Variants in FBXL18 observed in about 807,000 individuals in gnomAD.
FBXL18 encodes the protein F-box/LRR-repeat protein 18.
In FBXL18, 36 loss-of-function variants were observed where a neutral mutation model predicts 46.0. The ratio of observed to expected loss-of-function variants is 0.78; its 90% confidence interval spans 0.60 to 1.03. The LOEUF is 1.03. Ranked by LOEUF, FBXL18 falls within the 50% of genes least tolerant of loss-of-function variation. The pLI is 0.00. For missense variants in FBXL18, 977 were observed against 1,004.1 expected (o/e 0.97, Z 0.36); for synonymous variants, 557 against 465.3 (o/e 1.20, Z -2.54).
chr7:5,462,980 A>G (rs1466976360), intron 4 of FBXL18, among the ~76,000 whole-genome samples: 1 of 49,706 alleles, frequency 2.0e-5, no homozygotes, highest in South Asian at 5.2e-4. Flanking sequence ...ATATATATAT[A>G]TATATATATA....
chr7:5,486,142 T>C (rs1263113935), intron 4 of FBXL18, among the ~76,000 whole-genome samples: 1 of 150,358 alleles, frequency 6.7e-6, no homozygotes, highest in Non-Finnish European at 1.5e-5. Context: ...TAATCCCAGC[T>C]ACTCGGGAGG....
At position 5,477,250 on chromosome 7, in the gene FBXL18, C is replaced by T. The variant is rs1408287302; in HGVS notation, c.*4525G>A. ...GTGCAAATGAGACCCATGACCATCA[C>T]AAAGACCCCCCAGCGTCGTGGTCAA... is the stretch of plus-strand genomic sequence containing the variant. On this transcript the variant is annotated 3_prime_UTR_variant, in exon 5 of 5. Coordinates refer to ENST00000382368, the MANE Select transcript of FBXL18 (RefSeq NM_024963.6). This position sits in a 1 kb window ranked among gnomAD's most constrained non-coding sequence, Gnocchi z 4.4. Among the ~76,000 whole-genome samples, 1 of 152,154 alleles carries T rather than the reference C, an allele frequency of 6.6e-6. No homozygotes were observed. The highest frequency in any genetic ancestry group is 1.5e-5 in the Non-Finnish European group (1 of 68,030).
At chr7:5,465,560 G>C (rs1354844517) in intron 4 of FBXL18, among the ~76,000 whole-genome samples, 3 of 151,820 alleles carry the variant, frequency 2.0e-5, no homozygotes, top group African/African-American at 7.3e-5. Context: ...CGGCAGCTTT[G>C]AACTCCTGGA....
chr7:5,494,827 A>G (rs1451711026), intron 3 of FBXL18, among the ~76,000 whole-genome samples: 3 of 152,226 alleles, frequency 2.0e-5, no homozygotes, highest in African/African-American at 4.8e-5. Context: ...CCCGCCCCAG[A>G]TCGCCCCGAG....
At chr7:5,492,205 T>C (rs7807936) in intron 3 of FBXL18, among the ~76,000 whole-genome samples, 39,561 of 142,574 alleles carry the variant, frequency 0.28, 5,756 homozygotes, top group Middle Eastern at 0.34. Flanking sequence ...GGGACGACAT[T>C]CTAGATCCTT....
At chr7:5,512,614 GAACA>G (rs1043028138) in intron 1 of FBXL18, among the ~76,000 whole-genome samples, 6 of 152,134 alleles carry the variant, frequency 3.9e-5, no homozygotes, top group African/African-American at 7.2e-5. Context: ...CAAAAACAAA[GAACA>G]AACAAACAAG....
chr7:5,490,323 G>A, intron 4 of FBXL18: 1 of 1,118,408 alleles, frequency 8.9e-7, no homozygotes, highest in Non-Finnish European at 1.1e-6. Context: ...CCTCCTGAGA[G>A]GTCTTGAAAT....
chr7:5,487,120 C>G (rs1783796247), intron 4 of FBXL18, among the ~76,000 whole-genome samples: 1 of 152,214 alleles, frequency 6.6e-6, no homozygotes, highest in Admixed American at 6.5e-5. Context: ...CTGACACTGA[C>G]CCCTAGGCCC....
intron 1 of FBXL18, among the ~76,000 whole-genome samples, chr7:5,513,228 C>A (rs1403333002): frequency 6.6e-6 from 1 of 152,154 alleles, no homozygotes; most frequent in Non-Finnish European, 1.5e-5. Flanking sequence ...ATTCAGCAAG[C>A]AGGCTCCAGG....
intron 4 of FBXL18, among the ~76,000 whole-genome samples, chr7:5,486,141 C>G (rs1783770079): frequency 6.6e-6 from 1 of 151,248 alleles, no homozygotes; most frequent in Non-Finnish European, 1.5e-5. Context: ...GTAATCCCAG[C>G]TACTCGGGAG....
chr7:5,474,490 A>G (rs1035765838), downstream of FBXL18, among the ~76,000 whole-genome samples: 1 of 151,348 alleles, frequency 6.6e-6, no homozygotes, highest in Non-Finnish European at 1.5e-5. Flanking sequence ...TAATATTTGT[A>G]CTTTTTGTAG....
intron 4 of FBXL18, among the ~76,000 whole-genome samples, chr7:5,458,252 C>G (rs1043677607): frequency 6.6e-5 from 10 of 152,146 alleles, no homozygotes; most frequent in African/African-American, 1.9e-4. Context: ...AAACCACCCC[C>G]CAAGGCCTTG....
Position 5,483,136 on chromosome 7 carries a change from A to T in FBXL18, c.2001-1205T>A, listed in dbSNP as rs1188940377. 2.0e-5 allele frequency among the ~76,000 whole-genome samples: 3 copies of T among 152,076 alleles called. No homozygotes were observed. The East Asian group carries it at 5.8e-4, about 29-fold the overall frequency. On this transcript the variant is annotated intron_variant, in intron 4 of 4. Coordinates refer to ENST00000382368, the MANE Select transcript of FBXL18 (RefSeq NM_024963.6). ...AGAAGGAAAAACATAGCAGTGCCCCAGAGAGGAAGACAAAAACATCCAGGA... is the reference window on the plus strand; with the variant it reads ...AGAAGGAAAAACATAGCAGTGCCCCTGAGAGGAAGACAAAAACATCCAGGA...
rs1271385069 is a variant in FBXL18, at chr7:5,478,429, C to G, written c.*3346G>C. Reference sequence around the variant, plus strand: ...GCCTGCTCTGGGCCACCTTCGGAAGCCTGGTGGAGCCGAGTGTTGCCTGGT... The same window carrying G: ...GCCTGCTCTGGGCCACCTTCGGAAGGCTGGTGGAGCCGAGTGTTGCCTGGT... On this transcript the variant is annotated 3_prime_UTR_variant, in exon 5 of 5. Coordinates refer to ENST00000382368, the MANE Select transcript of FBXL18 (RefSeq NM_024963.6). The G allele has an allele frequency of 6.6e-6, 1 of 152,604 alleles. No individual in the cohort carries two copies. Among genetic ancestry groups the G allele is most frequent in the Non-Finnish European group, 1.5e-5 (1 of 68,332 alleles). The allele number at this position is 152,604 out of a possible 1,614,324, so 9.5% of individuals were successfully genotyped here.
Position 5,496,116 on chromosome 7 carries a change from C to T in FBXL18, c.1781+4372G>A, listed in dbSNP as rs1784073756. 6.6e-6 allele frequency among the ~76,000 whole-genome samples: 1 copy of T among 152,204 alleles called. No homozygotes were observed. The highest frequency in any genetic ancestry group is 1.5e-5 in the Non-Finnish European group (1 of 68,034). ...ATGAAATCACGCTGACCTCGGGAGG[C>T]CGGAGACAAGCAGCCATGTGACCTA... On this transcript the variant is annotated intron_variant, in intron 3 of 4. Transcript: ENST00000382368. This position sits in a 1 kb window ranked among gnomAD's most constrained non-coding sequence, Gnocchi z 4.8.
At chr7:5,459,547 T>G (rs1361896920) in intron 4 of FBXL18, among the ~76,000 whole-genome samples, 2 of 152,010 alleles carry the variant, frequency 1.3e-5, no homozygotes, top group Non-Finnish European at 2.9e-5. Flanking sequence ...AAGACCATCC[T>G]GGCTAACATG....
Position 5,513,692 on chromosome 7 carries a change from A to C in FBXL18, c.-18T>G. On this transcript the variant is annotated 5_prime_UTR_variant, in exon 1 of 5. Coordinates refer to ENST00000382368, the MANE Select transcript of FBXL18 (RefSeq NM_024963.6). Reference sequence around the variant, plus strand: ...CTGGCCATGTCGCCGGCGGGTCCGAACCGCGGCCGCGGGATCCGCAACCCC... The same window carrying C: ...CTGGCCATGTCGCCGGCGGGTCCGACCCGCGGCCGCGGGATCCGCAACCCC... The C allele has an allele frequency of 1.9e-6, 3 of 1,599,978 alleles. No homozygotes were observed. The highest frequency in any genetic ancestry group is 2.6e-6 in the Non-Finnish European group (3 of 1,173,714).
At position 5,496,030 on chromosome 7, in the gene FBXL18, T is replaced by G. The variant is rs965975876; in HGVS notation, c.1781+4458A>C. ...CTCCGCGCCTTCTCCATGGCCCTGC[T>G]CCTGAGGAAGGCCCTTGGCCACGGG... is the stretch of plus-strand genomic sequence containing the variant. On this transcript the variant is annotated intron_variant, in intron 3 of 4. Transcript: ENST00000382368. This position sits in a 1 kb window ranked among gnomAD's most constrained non-coding sequence, Gnocchi z 4.8. 2 of 381,360 alleles carry G rather than the reference T, an allele frequency of 5.2e-6. No homozygotes were observed. The highest frequency in any genetic ancestry group is 1.1e-5 in the Non-Finnish European group (2 of 181,860). 23.6% of individuals were successfully genotyped at this position (381,360 alleles called of 1,614,324 possible). A position where few individuals can be genotyped will look rare whatever the true frequency, so the allele number is the denominator to read the frequency against.
chr7:5,490,224 C>T (rs752495024), intron 4 of FBXL18: 34 of 1,332,278 alleles, frequency 2.6e-5, no homozygotes, highest in South Asian at 3.5e-5. Context: ...TGCAGGGACA[C>T]GAACACTCAG....
Sources: gnomAD v4.1 joint callset for allele counts (sites outside exome capture counted in the v4.1 genomes callset) on GRCh38, gnomAD v4.1.1 for gene constraint, Gnocchi (gnomAD v3.1) non-coding constraint, MANE v1.5 for transcripts, NCBI Gene and HGNC (gene_info 2026-07-23, HGNC 2026-07-21) for gene names.